Variants in ERBB4 observed in about 807,000 individuals in gnomAD.
ERBB4 encodes erb-b2 receptor tyrosine kinase 4, also known as receptor tyrosine-protein kinase erbB-4.
Under a neutral mutation model 158.0 loss-of-function variants are expected in ERBB4, and 42 were observed. The observed-to-expected ratio is 0.27, with a 90% CI of 0.21 to 0.34. The LOEUF is 0.34. Among genes scored for constraint, ERBB4 ranks in the 10% least tolerant of loss-of-function variants. The probability of loss-of-function intolerance (pLI) is 1.00; values close to 1 mark genes in which losing one functional copy is unlikely to be tolerated. For missense variants in ERBB4, 1,333 were observed against 1,624.1 expected (o/e 0.82, Z 3.08); for synonymous variants, 583 against 558.7 (o/e 1.04, Z -0.61).
At chr2:211,689,411 C>A (rs2072708468) in intron 12 of ERBB4, among the ~76,000 whole-genome samples, 1 of 152,090 alleles carries the variant, frequency 6.6e-6, no homozygotes, top group Non-Finnish European at 1.5e-5. Context: ...GTTGCCCAGG[C>A]TGGTCTCGAA....
At chr2:211,940,251 C>T (rs1346710600) in intron 3 of ERBB4, among the ~76,000 whole-genome samples, 14 of 151,966 alleles carry the variant, frequency 9.2e-5, no homozygotes, top group African/African-American at 3.4e-4. Flanking sequence ...TACTGTTTTC[C>T]TCAGAGCAAA....
chr2:212,298,666 C>G (rs1574628857), intron 1 of ERBB4, among the ~76,000 whole-genome samples: 1 of 151,584 alleles, frequency 6.6e-6, no homozygotes, highest in Non-Finnish European at 1.5e-5. Flanking sequence ...CACTTAGAAC[C>G]TTTCCATATG....
intron 1 of ERBB4, among the ~76,000 whole-genome samples, chr2:212,486,719 G>C (rs987463113): frequency 6.6e-6 from 1 of 152,128 alleles, no homozygotes; most frequent in Non-Finnish European, 1.5e-5. Flanking sequence ...TCTCAGGGCA[G>C]ACAGAAATAT....
intron 20 of ERBB4, among the ~76,000 whole-genome samples, chr2:211,459,421 C>T (rs1040035602): frequency 6.6e-6 from 1 of 152,138 alleles, no homozygotes; most frequent in Non-Finnish European, 1.5e-5. Flanking sequence ...ATAATCCAGG[C>T]ACATTTGTCC....
At chr2:211,724,726 C>T (rs2074212622) in intron 6 of ERBB4, among the ~76,000 whole-genome samples, 1 of 152,038 alleles carries the variant, frequency 6.6e-6, no homozygotes, top group East Asian at 1.9e-4. Flanking sequence ...AAATAAAATG[C>T]AATTGCTCCC....
intron 5 of ERBB4, among the ~76,000 whole-genome samples, chr2:211,734,681 A>G (rs550487756): frequency 3.7e-4 from 55 of 149,074 alleles, no homozygotes; most frequent in African/African-American, 1.3e-3. Flanking sequence ...AGCACTTTGG[A>G]AGGCCAAGGC....
intron 3 of ERBB4, among the ~76,000 whole-genome samples, chr2:211,913,076 A>G (rs1186110029): frequency 6.6e-6 from 1 of 152,158 alleles, no homozygotes; most frequent in Non-Finnish European, 1.5e-5. Flanking sequence ...CGTGGTTGTC[A>G]TTCTGAAGGC....
chr2:212,160,881 G>A (rs536712983), intron 1 of ERBB4, among the ~76,000 whole-genome samples: 4 of 152,044 alleles, frequency 2.6e-5, no homozygotes, highest in East Asian at 3.9e-4. Context: ...AAGGGGAAGC[G>A]CTTGATCTCA....
rs1333504216 is a variant in ERBB4 at position 212,236,701 on chromosome 2, G to A, written c.83-111798C>T. 3.3e-5 allele frequency among the ~76,000 whole-genome samples: 5 copies of A among 152,172 alleles called. No homozygotes were observed. The East Asian group carries it at 9.6e-4, about 29-fold the overall frequency. ...CTTCCTGGTTTAGTCTTCGGAGGGT[G>A]TATGTGTCCAGGAATTTATTCATTT... On this transcript the variant is annotated intron_variant, in intron 1 of 27. Coordinates refer to ENST00000342788, the MANE Select transcript of ERBB4 (RefSeq NM_005235.3).
chr2:211,384,605 G>T (rs1027151877), intron 27 of ERBB4, among the ~76,000 whole-genome samples: 3 of 151,970 alleles, frequency 2.0e-5, no homozygotes, highest in African/African-American at 7.2e-5. Flanking sequence ...TCTGAAAAAG[G>T]TTTTACACAT....
chr2:211,926,531 T>C (rs987474049), intron 3 of ERBB4, among the ~76,000 whole-genome samples: 3 of 152,158 alleles, frequency 2.0e-5, no homozygotes, highest in African/African-American at 7.2e-5. Context: ...TCAATGTTTT[T>C]CCATAAAAAT....
chr2:211,926,015 C>A (rs942680125), intron 3 of ERBB4, among the ~76,000 whole-genome samples: 1 of 151,936 alleles, frequency 6.6e-6, no homozygotes, highest in Admixed American at 6.6e-5. Flanking sequence ...AAGGCAAAGG[C>A]CCAAGAAAAT....
chr2:211,442,056 C>T (rs1465978451), intron 20 of ERBB4, among the ~76,000 whole-genome samples: 1 of 152,026 alleles, frequency 6.6e-6, no homozygotes, highest in Non-Finnish European at 1.5e-5. Context: ...ACTCAGGTAG[C>T]CAAAAAAGCC....
intron 1 of ERBB4, among the ~76,000 whole-genome samples, chr2:212,255,983 G>T (rs1341461853): frequency 2.8e-5 from 4 of 140,604 alleles, no homozygotes; most frequent in Admixed American, 1.5e-4. Flanking sequence ...ACCATTCCTG[G>T]CTAAGTTTTA....
At chr2:211,877,267 G>C (rs548794394) in intron 3 of ERBB4, among the ~76,000 whole-genome samples, 1 of 152,316 alleles carries the variant, frequency 6.6e-6, no homozygotes, top group East Asian at 1.9e-4. Context: ...ATGTGCTGAG[G>C]TTGGATGAGC....
chr2:211,578,298 C>T (rs956083241), intron 19 of ERBB4, among the ~76,000 whole-genome samples: 1 of 152,040 alleles, frequency 6.6e-6, no homozygotes, highest in South Asian at 2.1e-4. Context: ...TCAAGGAAAT[C>T]AGAGAGGACA....
chr2:212,127,513 A>G (rs1575672183), intron 1 of ERBB4, among the ~76,000 whole-genome samples: 1 of 151,928 alleles, frequency 6.6e-6, no homozygotes, highest in African/African-American at 2.4e-5. Context: ...AATGGCATGA[A>G]CCCGGGAGGT....
At chr2:211,415,317 C>T (rs1185422834) in intron 25 of ERBB4, among the ~76,000 whole-genome samples, 2 of 151,466 alleles carry the variant, frequency 1.3e-5, no homozygotes, top group African/African-American at 2.4e-5. Flanking sequence ...GGCGGGGTTT[C>T]ACCGCGTTAG....
At chr2:212,135,659 T>G (rs746006032) in intron 1 of ERBB4, among the ~76,000 whole-genome samples, 24 of 152,198 alleles carry the variant, frequency 1.6e-4, no homozygotes, top group Non-Finnish European at 2.8e-4. Flanking sequence ...GAAATACAAT[T>G]GTCAGAAATG....
Sources: allele counts gnomAD v4.1 joint callset (sites outside exome capture counted in the v4.1 genomes callset), GRCh38; gene constraint gnomAD v4.1.1; transcripts MANE v1.5; gene names NCBI Gene and HGNC (gene_info 2026-07-23, HGNC 2026-07-21).